DOCK7: variants seen among roughly 807,000 people sequenced by gnomAD.
DOCK7 encodes dedicator of cytokinesis 7.
Under a neutral mutation model 271.0 loss-of-function variants are expected in DOCK7, and 138 were observed. The ratio of observed to expected loss-of-function variants is 0.51; its 90% CI spans 0.44 to 0.59. The LOEUF is 0.59. Ranked by LOEUF, DOCK7 falls within the 20% of genes least tolerant of loss-of-function variation. The pLI is 0.00. For missense variants in DOCK7, 2,066 were observed against 2,592.4 expected (o/e 0.80, Z 4.41); for synonymous variants, 823 against 876.1 (o/e 0.94, Z 1.07).
At chr1:62,635,037 C>T (rs1161227007) in intron 8 of DOCK7, 115 bp from the exon 9 acceptor site, 4 of 556,336 alleles carry the variant, frequency 7.2e-6, no homozygotes, top group African/African-American at 5.8e-5. Context: ...AAACAATAAT[C>T]TGTTTTCAAT....
At chr1:62,651,882 C>T (rs1657423335) in intron 4 of DOCK7, among the ~76,000 whole-genome samples, 6 of 152,066 alleles carry the variant, frequency 3.9e-5, no homozygotes, top group Middle Eastern at 6.8e-3. Context: ...TAATTTGTAT[C>T]CCCCACATCT....
intron 2 of DOCK7, among the ~76,000 whole-genome samples, chr1:62,658,849 T>C (rs1304079981): frequency 1.3e-5 from 2 of 151,860 alleles, no homozygotes; most frequent in South Asian, 2.1e-4. Context: ...GCTACTCCGA[T>C]GGCTGAGGTG....
intron 1 of DOCK7, among the ~76,000 whole-genome samples, chr1:62,673,661 A>G (rs1280920511): frequency 6.6e-6 from 1 of 152,214 alleles, no homozygotes; most frequent in Non-Finnish European, 1.5e-5. Context: ...TGCCTTACCC[A>G]TAAACATACA....
At chr1:62,583,620 C>T (rs1427888120) in intron 15 of DOCK7, among the ~76,000 whole-genome samples, 3 of 152,106 alleles carry the variant, frequency 2.0e-5, no homozygotes, top group East Asian at 1.9e-4. Flanking sequence ...CATAAACCTA[C>T]TATACAAATT....
At chr1:62,474,807 T>C (rs1024917623) in intron 47 of DOCK7, among the ~76,000 whole-genome samples, 2 of 152,190 alleles carry the variant, frequency 1.3e-5, no homozygotes, top group African/African-American at 4.8e-5. Flanking sequence ...CTAATCTGCA[T>C]ATGACAAAAG....
In DOCK7 at chr1:62,528,136, G is replaced by A. The variant is rs889508083; in HGVS notation, c.3936+15C>T. ...CTTTCTAGAAAAAAAAATTCTGTAG[G>A]AGGATTGTTTTTACCGTTGACGTGA... On this transcript the variant is annotated intron_variant, in intron 31 of 49. Transcript: ENST00000635253. The A allele has an allele frequency of 2.5e-6, 4 of 1,594,748 alleles. No individual in the cohort carries two copies. The highest frequency in any genetic ancestry group is 2.2e-5 in the East Asian group (1 of 44,468).
intron 8 of DOCK7, chr1:62,635,140 ATTAC>A (rs1655102694): frequency 2.9e-6 from 1 of 348,324 alleles, no homozygotes; most frequent in Non-Finnish European, 5.1e-6. Context: ...TCTCAAAAAA[ATTAC>A]TTATTTATCT....
intron 14 of DOCK7, among the ~76,000 whole-genome samples, chr1:62,590,192 C>T (rs750270438): frequency 6.6e-6 from 1 of 151,882 alleles, no homozygotes; most frequent in African/African-American, 2.4e-5. Context: ...AGGCTGCAAA[C>T]AGATAAAAGT....
chr1:62,619,838 G>A, intron 13 of DOCK7, 62 bp downstream of exon 13: 1 of 1,000,396 alleles, frequency 1.0e-6, no homozygotes, highest in Non-Finnish European at 1.5e-6. Flanking sequence ...ATAATTATAA[G>A]CAATACAACA....
intron 18 of DOCK7, 86 bp from the exon 19 acceptor site, chr1:62,561,789 G>T: frequency 3.0e-6 from 2 of 671,896 alleles, no homozygotes; most frequent in Non-Finnish European, 4.8e-6. Flanking sequence ...ATCCCAATGA[G>T]AAAAATATTG....
rs551620973 is a variant in DOCK7 at position 62,669,443 on chromosome 1, G to A, written c.39-6313C>T. On this transcript the variant is annotated intron_variant, in intron 1 of 49. Transcript: ENST00000635253. ...GACACACTACTTCAGAAGCACCTTT[G>A]CAACCTCCTTGAGGAATAGACAAGA... is the stretch of plus-strand genomic sequence containing the variant. Among the ~76,000 whole-genome samples the A allele has an allele frequency of 2.6e-5, 4 of 152,308 alleles. No homozygotes were observed. The East Asian group carries it at 7.7e-4, about 29-fold the overall frequency.
At chr1:62,514,728 CACA>C (rs10557760) in intron 31 of DOCK7, among the ~76,000 whole-genome samples, 86,831 of 151,572 alleles carry the variant, frequency 0.57, 26,586 homozygotes, top group East Asian at 0.75. Context: ...ATTTAGCTCT[CACA>C]ACAACTGTAA....
At chr1:62,489,819 C>G (rs1389523739) in intron 41 of DOCK7, among the ~76,000 whole-genome samples, 1 of 152,134 alleles carries the variant, frequency 6.6e-6, no homozygotes, top group Non-Finnish European at 1.5e-5. Flanking sequence ...ACCCAATTCT[C>G]CTATAATAGC....
intron 22 of DOCK7, among the ~76,000 whole-genome samples, chr1:62,550,791 G>A (rs541252930): frequency 6.6e-6 from 1 of 151,172 alleles, no homozygotes; most frequent in Non-Finnish European, 1.5e-5. Flanking sequence ...TGAGATCTCG[G>A]CTCCCTGCAA....
chr1:62,502,663 A>G (rs1346854199), intron 37 of DOCK7, among the ~76,000 whole-genome samples: 1 of 152,240 alleles, frequency 6.6e-6, no homozygotes, highest in Non-Finnish European at 1.5e-5. Flanking sequence ...AAAGGCAACC[A>G]TTAGAGCAAA....
intron 18 of DOCK7, among the ~76,000 whole-genome samples, chr1:62,565,122 A>G (rs1250832127): frequency 3.3e-5 from 5 of 152,170 alleles, no homozygotes; most frequent in African/African-American, 1.2e-4. Flanking sequence ...CCAGAGGTGC[A>G]AAGAAAAGCT....
At chr1:62,525,438 T>C (rs1644978211) in intron 31 of DOCK7, among the ~76,000 whole-genome samples, 2 of 152,198 alleles carry the variant, frequency 1.3e-5, no homozygotes, top group Admixed American at 6.5e-5. Flanking sequence ...TCCTTGTTTT[T>C]GACCTGAGTG....
At chr1:62,519,775 T>A (rs531881458) in intron 31 of DOCK7, among the ~76,000 whole-genome samples, 84 of 151,806 alleles carry the variant, frequency 5.5e-4, no homozygotes, top group Non-Finnish European at 1.0e-3. Flanking sequence ...ACACATTTTT[T>A]AAAAAAAATG....
chr1:62,553,474 G>T (rs1646026159), intron 21 of DOCK7, among the ~76,000 whole-genome samples: 1 of 144,844 alleles, frequency 6.9e-6, no homozygotes, highest in Non-Finnish European at 1.5e-5. Flanking sequence ...TGGACTCCTG[G>T]ACTCCCACCT....
Sources: gnomAD v4.1 joint callset for allele counts (sites outside exome capture counted in the v4.1 genomes callset) on GRCh38, gnomAD v4.1.1 for gene constraint, MANE v1.5 for transcripts, NCBI Gene and HGNC (gene_info 2026-07-23, HGNC 2026-07-21) for gene names.